CAPSL: variants seen among roughly 807,000 people sequenced by gnomAD.
CAPSL encodes the protein calcyphosin-like protein.
A neutral mutation model predicts 21.3 loss-of-function variants in CAPSL; 17 were observed. The ratio of observed to expected loss-of-function variants is 0.80; its 90% CI spans 0.55 to 1.20. CAPSL has a LOEUF of 1.20. Ranked by LOEUF, CAPSL falls within the 50% of genes most tolerant of loss-of-function variation. CAPSL has a pLI of 0.00. For synonymous variants in CAPSL, 102 were observed against 89.3 expected (o/e 1.14, Z -0.80); for missense variants, 289 against 259.3 (o/e 1.11, Z -0.79).
chr5:35,922,309 A>T (rs1290110484), intron 1 of CAPSL, among the ~76,000 whole-genome samples: 2 of 152,184 alleles, frequency 1.3e-5, no homozygotes, highest in African/African-American at 4.8e-5. Flanking sequence ...GAATCTCATC[A>T]AGCCAATAAC....
chr5:35,913,737 C>T (rs944169972), intron 2 of CAPSL, among the ~76,000 whole-genome samples: 4 of 152,268 alleles, frequency 2.6e-5, no homozygotes, highest in Middle Eastern at 3.4e-3. Flanking sequence ...ACAACCGGTA[C>T]CAGCCACTGC....
Position 35,921,078 on chromosome 5 carries a change from C to T in CAPSL, c.43G>A (p.Ala15Thr). 6.2e-7 allele frequency: 1 copy of T among 1,614,084 alleles called. No homozygotes were observed. The highest frequency in any genetic ancestry group is 8.5e-7 in the Non-Finnish European group (1 of 1,180,034). ...ARHDREMAIQAKKKLTTATDP... is the reference protein window; with the variant it reads ...ARHDREMAIQTKKKLTTATDP... ...GTGGCCGTGGTGAGCTTTTTCTTGG[C>T]CTGGATCGCCATCTCTCGGTCATGG... Residue 15 changes from alanine (A) to threonine (T), a missense_variant, in exon 2 of 5, where the codon GCC becomes ACC. Coordinates refer to ENST00000651391, the MANE Select transcript of CAPSL (RefSeq NM_001042625.2).
intron 2 of CAPSL, among the ~76,000 whole-genome samples, chr5:35,915,364 G>A (rs1040083194): frequency 2.0e-5 from 3 of 152,140 alleles, no homozygotes; most frequent in Non-Finnish European, 2.9e-5. Flanking sequence ...ATTTTAGGAG[G>A]CCAGCATCAT....
At position 35,924,338 on chromosome 5, in the gene CAPSL, A is replaced by C. The variant is rs567556488; in HGVS notation, c.1-3218T>G. Among the ~76,000 whole-genome samples the C allele has an allele frequency of 2.0e-5, 3 of 152,296 alleles. No individual in the cohort carries two copies. In the South Asian group the frequency reaches 6.2e-4, roughly 32 times the overall value. ...CCAAGACCAAAACAGACGGCTTCTG[A>C]TTCCTAAGGGCTCTTTCTGCTTCAT... On this transcript the variant is annotated intron_variant, in intron 1 of 4. Coordinates refer to ENST00000651391, the MANE Select transcript of CAPSL (RefSeq NM_001042625.2).
At chr5:35,915,202 A>G (rs1738340949) in intron 2 of CAPSL, among the ~76,000 whole-genome samples, 1 of 152,226 alleles carries the variant, frequency 6.6e-6, no homozygotes. Context: ...AGACCCTGAA[A>G]TTGAGGCAAT....
At chr5:35,928,863 A>C (rs1240113003) in intron 1 of CAPSL, among the ~76,000 whole-genome samples, 2 of 152,182 alleles carry the variant, frequency 1.3e-5, no homozygotes, top group African/African-American at 4.8e-5. Flanking sequence ...GTGCTGTTGA[A>C]AAACAAAGAT....
At chr5:35,915,035 C>T (rs1382810969) in intron 2 of CAPSL, among the ~76,000 whole-genome samples, 1 of 152,094 alleles carries the variant, frequency 6.6e-6, no homozygotes, top group Non-Finnish European at 1.5e-5. Flanking sequence ...GATATCACCA[C>T]CGATCCCACA....
intron 1 of CAPSL, among the ~76,000 whole-genome samples, chr5:35,935,171 G>C (rs1738913259): frequency 6.6e-6 from 1 of 152,054 alleles, no homozygotes; most frequent in East Asian, 1.9e-4. Context: ...CATTTCAAGT[G>C]GTGTCATCAA....
intron 4 of CAPSL, 80 bp downstream of exon 4, chr5:35,909,786 A>G: frequency 1.7e-6 from 2 of 1,172,088 alleles, no homozygotes; most frequent in Admixed American, 2.2e-5. Flanking sequence ...ATGTGTTAAC[A>G]TTTTTAAGAG....
chr5:35,930,843 G>T (rs1275308832), intron 1 of CAPSL, among the ~76,000 whole-genome samples: 1 of 152,164 alleles, frequency 6.6e-6, no homozygotes, highest in Admixed American at 6.5e-5. Context: ...GGTAGGCACA[G>T]GAACCAGTTC....
At chr5:35,922,394 G>C (rs1416309727) in intron 1 of CAPSL, among the ~76,000 whole-genome samples, 2 of 152,102 alleles carry the variant, frequency 1.3e-5, no homozygotes, top group East Asian at 3.9e-4. Flanking sequence ...CCGAGCCAAG[G>C]TACAGGATCC....
At chr5:35,929,378 C>T (rs145082833) in intron 1 of CAPSL, among the ~76,000 whole-genome samples, 229 of 151,420 alleles carry the variant, frequency 1.5e-3, no homozygotes, top group African/African-American at 4.6e-3. Flanking sequence ...TTGCAATCTC[C>T]GCCTCCCGGG....
chr5:35,919,485 C>T (rs1738480506), intron 2 of CAPSL, among the ~76,000 whole-genome samples: 2 of 152,102 alleles, frequency 1.3e-5, no homozygotes, highest in Admixed American at 6.5e-5. Context: ...AGGATAAAGA[C>T]TCAGGGTGGA....
Position 35,910,235 on chromosome 5 carries a change from G to C in CAPSL, c.315+131C>G, listed in dbSNP as rs2287899. 7.5e-3 allele frequency: 8,760 copies of C among 1,165,948 alleles called. 148 individuals carry two copies. The highest frequency in any genetic ancestry group is 0.056 in the East Asian group (2,309 of 41,312). 72.2% of individuals were successfully genotyped at this position (1,165,948 alleles called of 1,614,324 possible). A position where few individuals can be genotyped will look rare whatever the true frequency, so the allele number is the denominator to read the frequency against. On this transcript the variant is annotated intron_variant, in intron 3 of 4. Coordinates refer to ENST00000651391, the MANE Select transcript of CAPSL (RefSeq NM_001042625.2). ...AATTGCTCCAAAAATTCCTAAGTCT[G>C]TTCACAGTTTTCTGCTTATCCCCCT...
chr5:35,915,324 A>C (rs1738348468), intron 2 of CAPSL, among the ~76,000 whole-genome samples: 1 of 152,254 alleles, frequency 6.6e-6, no homozygotes, highest in African/African-American at 2.4e-5. Context: ...TATTCCAGTC[A>C]ATAGAAAAAG....
intron 1 of CAPSL, among the ~76,000 whole-genome samples, chr5:35,921,347 A>C (rs1252892727): frequency 6.6e-6 from 1 of 152,190 alleles, no homozygotes; most frequent in African/African-American, 2.4e-5. Flanking sequence ...ATAATCTTAA[A>C]TATATCACCA....
chr5:35,917,455 TG>T (rs1470070031), intron 2 of CAPSL, among the ~76,000 whole-genome samples: 1 of 152,120 alleles, frequency 6.6e-6, no homozygotes, highest in Non-Finnish European at 1.5e-5. Flanking sequence ...AGCAAAGACT[TG>T]GAACCAACCC....
At chr5:35,912,487 G>A (rs576151479) in intron 2 of CAPSL, among the ~76,000 whole-genome samples, 9 of 152,206 alleles carry the variant, frequency 5.9e-5, no homozygotes, top group South Asian at 2.1e-4. Context: ...CACCTCACAC[G>A]GCCAGGTACT....
At chr5:35,928,696 T>C (rs1405249402) in intron 1 of CAPSL, among the ~76,000 whole-genome samples, 1 of 152,144 alleles carries the variant, frequency 6.6e-6, no homozygotes, top group Non-Finnish European at 1.5e-5. Context: ...GGGTAGAGTG[T>C]TATTGGCATC....
Sources: allele counts gnomAD v4.1 joint callset (sites outside exome capture counted in the v4.1 genomes callset), GRCh38; gene constraint gnomAD v4.1.1; transcripts MANE v1.5; gene names NCBI Gene and HGNC (gene_info 2026-07-23, HGNC 2026-07-21).